Variants in RABGAP1 observed in about 807,000 individuals in gnomAD.
RABGAP1 encodes RAB GTPase activating protein 1, also known as rab GTPase-activating protein 1.
In RABGAP1, 23 loss-of-function variants were observed where a neutral mutation model predicts 137.6. The observed-to-expected ratio is 0.17, with a 90% CI of 0.12 to 0.24. The LOEUF is 0.24. Ranked by LOEUF, RABGAP1 falls within the 10% of genes least tolerant of loss-of-function variation. The probability of loss-of-function intolerance (pLI) is 1.00; values close to 1 mark genes in which losing one functional copy is unlikely to be tolerated. For synonymous variants in RABGAP1, 451 were observed against 450.7 expected (o/e 1.00, Z -0.01); for missense variants, 906 against 1,275.8 (o/e 0.71, Z 4.42).
At chr9:123,041,923 C>A (rs2032972568) in intron 13 of RABGAP1, among the ~76,000 whole-genome samples, 1 of 152,176 alleles carries the variant, frequency 6.6e-6, no homozygotes, top group South Asian at 2.1e-4. Context: ...ACCCCTTACT[C>A]CTCTTCCCCA....
intron 21 of RABGAP1, among the ~76,000 whole-genome samples, chr9:123,092,726 A>G (rs1383873640): frequency 6.6e-6 from 1 of 152,242 alleles, no homozygotes; most frequent in Non-Finnish European, 1.5e-5. Flanking sequence ...TGCTTTCTAT[A>G]TATTATCAAA....
chr9:123,079,067 T>C lies in RABGAP1; in HGVS notation c.2424+2305T>C, dbSNP rs189500873. On this transcript the variant is annotated intron_variant, in intron 19 of 25. Coordinates refer to ENST00000373647, the MANE Select transcript of RABGAP1 (RefSeq NM_012197.4). ...TTTCATGCAATTATACGGATTTTCC[T>C]CACTGAGATATTGTGTGTAAATAAT... 3.6e-3 allele frequency among the ~76,000 whole-genome samples: 541 copies of C among 151,936 alleles called. 8 individuals are homozygous for C. Among genetic ancestry groups the C allele is most frequent in the Non-Finnish European group, 3.3e-3 (225 of 68,028 alleles).
At chr9:123,065,941 G>GTAA (rs2034156569) in intron 14 of RABGAP1, among the ~76,000 whole-genome samples, 1 of 152,212 alleles carries the variant, frequency 6.6e-6, no homozygotes, top group South Asian at 2.1e-4. Flanking sequence ...ACTAAAGGAA[G>GTAA]TAATAGCCTG....
intron 18 of RABGAP1, 125 bp downstream of exon 18, chr9:123,076,411 A>T (rs1031067633): frequency 1.6e-6 from 2 of 1,220,062 alleles, no homozygotes; most frequent in South Asian, 1.4e-5. Flanking sequence ...GGATGTATGC[A>T]GGTGGCTCTG....
At chr9:122,936,646 C>G (rs1028247689), upstream of RABGAP1, among the ~76,000 whole-genome samples, 1 of 152,212 alleles carries the variant, frequency 6.6e-6, no homozygotes, top group Admixed American at 6.5e-5. Flanking sequence ...TGTCGACACT[C>G]TGGTTGTTGA....
At chr9:123,016,237 T>TG (rs754963941) in intron 12 of RABGAP1, among the ~76,000 whole-genome samples, 111 of 152,276 alleles carry the variant, frequency 7.3e-4, no homozygotes, top group Non-Finnish European at 1.3e-3. Context: ...ATGGGTGTAG[T>TG]GGTTCATGCC....
At chr9:122,996,351 TG>T in intron 7 of RABGAP1, 187 bp from the exon 8 acceptor site, 1 of 1,182,648 alleles carries the variant, frequency 8.5e-7, no homozygotes, top group Non-Finnish European at 1.2e-6. Flanking sequence ...TTCAACTATG[TG>T]GTAATAAAAG....
At chr9:123,027,008 A>G (rs537746445) in intron 13 of RABGAP1, among the ~76,000 whole-genome samples, 8 of 152,180 alleles carry the variant, frequency 5.3e-5, no homozygotes, top group Non-Finnish European at 8.8e-5. Flanking sequence ...CATTTTCTCT[A>G]GTTTCAACTT....
chr9:122,946,895 A>T (rs1833977555), intron 1 of RABGAP1, among the ~76,000 whole-genome samples: 1 of 152,142 alleles, frequency 6.6e-6, no homozygotes, highest in Admixed American at 6.5e-5. Context: ...TTTCATTAGA[A>T]GTATGAAGTA....
intron 21 of RABGAP1, among the ~76,000 whole-genome samples, chr9:123,091,355 T>G (rs980764015): frequency 6.6e-6 from 1 of 152,122 alleles, no homozygotes; most frequent in Non-Finnish European, 1.5e-5. Flanking sequence ...TTACAAAAAT[T>G]TTGTGTACTC....
intron 13 of RABGAP1, among the ~76,000 whole-genome samples, chr9:123,027,471 T>C (rs570301898): frequency 4.6e-4 from 70 of 152,380 alleles, no homozygotes; most frequent in African/African-American, 1.7e-3. Context: ...AGCCACATTT[T>C]GCTAGTCTGG....
At chr9:122,932,315 G>A in the RABGAP1 span, among the ~76,000 whole-genome samples, 1 of 152,080 alleles carries the variant, frequency 6.6e-6, no homozygotes, top group Non-Finnish European at 1.5e-5. Flanking sequence ...TTGAACTCTG[G>A]AGTTAAAGTG....
At position 123,072,598 on chromosome 9, in the gene RABGAP1, G is replaced by A. The variant is rs1301435735; in HGVS notation, c.1984-954G>A. On this transcript the variant is annotated intron_variant, in intron 15 of 25. Coordinates refer to ENST00000373647, the MANE Select transcript of RABGAP1 (RefSeq NM_012197.4). ...ACTTAGCATCAGAATCACCACTGTG[G>A]GTTAGGCCACATCTCCTTGCATGTG... Among the ~76,000 whole-genome samples the A allele has an allele frequency of 1.1e-4, 16 of 152,248 alleles. No homozygotes were observed. The East Asian group carries it at 2.9e-3, about 28-fold the overall frequency.
chr9:123,026,750 A>G (rs2131959636), intron 13 of RABGAP1, among the ~76,000 whole-genome samples: 1 of 152,306 alleles, frequency 6.6e-6, no homozygotes. Flanking sequence ...GGGGAAACAA[A>G]GGCACTTTCT....
At chr9:122,989,827 A>G in intron 5 of RABGAP1, 2 of 514,036 alleles carry the variant, frequency 3.9e-6, no homozygotes, top group South Asian at 3.3e-5. Context: ...TTAGGAAGTG[A>G]TTTTTAAATT....
chr9:122,967,266 A>G (rs1231970931), intron 2 of RABGAP1, among the ~76,000 whole-genome samples: 1 of 152,196 alleles, frequency 6.6e-6, no homozygotes, highest in African/African-American at 2.4e-5. Flanking sequence ...GTGTGGGTTC[A>G]TTAGTAAATA....
At chr9:122,933,265 C>T in the RABGAP1 span, among the ~76,000 whole-genome samples, 6 of 151,686 alleles carry the variant, frequency 4.0e-5, no homozygotes, top group Admixed American at 6.6e-5. Context: ...CTGTTCCTAG[C>T]GAGGTAAATG....
At chr9:123,062,735 TTTG>T (rs1433195923) in intron 13 of RABGAP1, 12 of 152,116 alleles carry the variant, frequency 7.9e-5, no homozygotes, top group African/African-American at 2.7e-4. Context: ...CTTTCAGTTT[TTTG>T]TTATTTTTTA....
chr9:123,068,341 T>TC lies in RABGAP1; in HGVS notation c.1909-2007dup, dbSNP rs1273230671. On this transcript the variant is annotated intron_variant, in intron 14 of 25. Transcript: ENST00000373647. ...TTCCACCTCGGGTGACACAGGAGAC[T>TC]CCATCTCAAAAAAAAAAAAAAAAAA... is the stretch of plus-strand genomic sequence containing the variant. Among the ~76,000 whole-genome samples, 3 of 131,498 alleles carry TC rather than the reference T, an allele frequency of 2.3e-5. No homozygotes were observed. The East Asian group carries it at 6.4e-4, about 28-fold the overall frequency. 86.3% of individuals were successfully genotyped at this position (131,498 alleles called of 152,430 possible). A position where few individuals can be genotyped will look rare whatever the true frequency, so the allele number is the denominator to read the frequency against.
Sources: allele counts gnomAD v4.1 joint callset (sites outside exome capture counted in the v4.1 genomes callset), GRCh38; gene constraint gnomAD v4.1.1; transcripts MANE v1.5; gene names NCBI Gene and HGNC (gene_info 2026-07-23, HGNC 2026-07-21).